Variants in NHS observed in about 807,000 individuals in gnomAD.
The protein encoded by NHS is actin remodeling regulator NHS.
A neutral mutation model predicts 72.5 loss-of-function variants in NHS; 5 were observed. That is an observed-to-expected ratio of 0.07 (90% CI 0.04 to 0.14). The LOEUF (loss-of-function observed/expected upper bound fraction) is 0.14, where lower values mean the gene tolerates loss of function less well. Among genes scored for constraint, NHS ranks in the 10% least tolerant of loss-of-function variants. NHS has a pLI of 1.00. For missense variants in NHS, 1,072 were observed against 1,355.7 expected (o/e 0.79, Z 3.29); for synonymous variants, 464 against 547.7 (o/e 0.85, Z 2.13).
chrX:17,644,466 C>A (rs2065896600), intron 1 of NHS, among the ~76,000 whole-genome samples: 1 of 111,878 alleles, frequency 8.9e-6, no homozygotes. Context: ...TTAAGCATCA[C>A]TTTTTTGGGG....
intron 1 of NHS, chrX:17,635,668 G>A (rs113112459): frequency 1.2e-5 from 12 of 1,028,852 alleles, no homozygotes; most frequent in African/African-American, 7.6e-5. Context: ...AACGAAGAGG[G>A]GCTTGTGCTG....
Position 17,732,767 on chromosome X carries a change from G to C in NHS, c.*303G>C, listed in dbSNP as rs942603907. The C allele has an allele frequency of 6.9e-6, 2 of 287,927 alleles. No individual in the cohort carries two copies. The highest frequency in any genetic ancestry group is 1.2e-5 in the Non-Finnish European group (2 of 161,199). The allele number at this position is 287,927 out of a possible 1,213,427, so 23.7% of individuals were successfully genotyped here. A position where few individuals can be genotyped will look rare whatever the true frequency, so the allele number is the denominator to read the frequency against. On this transcript the variant is annotated 3_prime_UTR_variant, in exon 9 of 9. Coordinates refer to ENST00000676302, the MANE Select transcript of NHS (RefSeq NM_001291867.2). Reference sequence around the variant, plus strand: ...AATTGTCTAATTTTCATGACACCTAGAAAACGTTTTCCCAGAGCTGCCTAT... The same window carrying C: ...AATTGTCTAATTTTCATGACACCTACAAAACGTTTTCCCAGAGCTGCCTAT...
At chrX:17,696,470 T>C (rs931029754) in intron 3 of NHS, among the ~76,000 whole-genome samples, 4 of 112,278 alleles carry the variant, frequency 3.6e-5, no homozygotes, top group Non-Finnish European at 7.5e-5. Flanking sequence ...CAAATGTGTA[T>C]CAAAACAGGA....
At chrX:17,416,876 G>A (rs1021155032) in intron 1 of NHS, among the ~76,000 whole-genome samples, 3 of 109,134 alleles carry the variant, frequency 2.7e-5, no homozygotes, top group Non-Finnish European at 5.7e-5. Flanking sequence ...GAGTTGGAAG[G>A]CAGTTACTGC....
rs146572967 is a variant in NHS at position 17,540,889 on chromosome X, G to A, written c.566-146853G>A. Among the ~76,000 whole-genome samples the A allele has an allele frequency of 9.3e-4, 103 of 111,313 alleles. 1 individual carries two copies. The East Asian group carries it at 0.022, about 23-fold the overall frequency. On this transcript the variant is annotated intron_variant, in intron 1 of 8. Coordinates refer to ENST00000676302, the MANE Select transcript of NHS (RefSeq NM_001291867.2). ...GAGCCTAGGAGTTCAAGACCAGCCTGGGCAACATGGCGAGACTCCGTCTCT... is the reference window on the plus strand; with the variant it reads ...GAGCCTAGGAGTTCAAGACCAGCCTAGGCAACATGGCGAGACTCCGTCTCT...
At chrX:17,391,117 A>G (rs142927312) in intron 1 of NHS, among the ~76,000 whole-genome samples, 536 of 111,716 alleles carry the variant, frequency 4.8e-3, no homozygotes, top group African/African-American at 0.017. Context: ...TGTCTTTCCA[A>G]GTTGCTTTGT....
At chrX:17,398,642 C>T (rs2146850635) in intron 1 of NHS, among the ~76,000 whole-genome samples, 1 of 112,171 alleles carries the variant, frequency 8.9e-6, no homozygotes, top group East Asian at 2.8e-4. Flanking sequence ...TACTGGTTGG[C>T]TGGCAAGTCA....
chrX:17,378,059 CGT>C (rs34807039), intron 1 of NHS, among the ~76,000 whole-genome samples: 39,081 of 100,757 alleles, frequency 0.39, 6,799 homozygotes, highest in Non-Finnish European at 0.52. Context: ...ATACATTTCC[CGT>C]GTGTGTGTGT....
chrX:17,555,203 A>G (rs931353702), intron 1 of NHS, among the ~76,000 whole-genome samples: 2 of 107,762 alleles, frequency 1.9e-5, no homozygotes, highest in Non-Finnish European at 3.8e-5. Flanking sequence ...CTGTTCAGGA[A>G]GTGGGGTGGG....
chrX:17,726,644 G>A lies in NHS; in HGVS notation c.2538G>A (p.Lys846=). 8.3e-7 allele frequency: 1 copy of A among 1,211,707 alleles called. No homozygotes were observed. Among genetic ancestry groups the A allele is most frequent in the Non-Finnish European group, 1.1e-6 (1 of 895,540 alleles). ...GRPSISFRKP[K]AKPTPPKRSS... is the part of the protein sequence containing the mutation. Reference sequence around the variant, plus strand: ...CAAGCATCTCTTTCAGGAAACCAAAGGCAAAGCCGACCCCACCTAAACGTA... The same window carrying A: ...CAAGCATCTCTTTCAGGAAACCAAAAGCAAAGCCGACCCCACCTAAACGTA... The change falls in exon 7 of 9, where the codon AAG becomes AAA. Residue 846 remains lysine, a synonymous_variant. Coordinates refer to ENST00000676302, the MANE Select transcript of NHS (RefSeq NM_001291867.2).
chrX:17,523,936 A>AAG lies in NHS; in HGVS notation c.565+147617_565+147618dup, dbSNP rs200687269. Among the ~76,000 whole-genome samples, 775 of 111,526 alleles carry AAG rather than the reference A, an allele frequency of 6.9e-3. 4 individuals are homozygous for AAG. Among genetic ancestry groups the AAG allele is most frequent in the African/African-American group, 0.024 (743 of 30,637 alleles). On this transcript the variant is annotated intron_variant, in intron 1 of 8. Coordinates refer to ENST00000676302, the MANE Select transcript of NHS (RefSeq NM_001291867.2). ...CAAAAGCTTCATCTCAAAAGAAGCT[A>AAG]AGAGGGGGTCCATTCTGGGGAATAC...
intron 1 of NHS, among the ~76,000 whole-genome samples, chrX:17,505,463 A>G (rs1489273025): frequency 9.0e-6 from 1 of 111,649 alleles, no homozygotes; most frequent in Non-Finnish European, 1.9e-5. Flanking sequence ...CAACAACCTT[A>G]GGTATTACCA....
chrX:17,727,966 G>T lies in NHS; in HGVS notation c.3860G>T (p.Gly1287Val), dbSNP rs1231093604. 8.3e-7 allele frequency: 1 copy of T among 1,211,565 alleles called. No individual in the cohort carries two copies. Among genetic ancestry groups the T allele is most frequent in the Non-Finnish European group, 1.1e-6 (1 of 895,455 alleles). The change falls in exon 7 of 9, where the codon GGT (glycine) becomes GTT (valine). Residue 1287 changes from glycine (G) to valine (V), a missense_variant. Coordinates refer to ENST00000676302, the MANE Select transcript of NHS (RefSeq NM_001291867.2). ...GCTGCCCGCCCAAATGATTTGGATG[G>T]TAAAATAATACAATATGGACCTGGT... ...VSAARPNDLD[G>V]KIIQYGPGPD...
chrX:17,653,691 G>T (rs1181886090), intron 1 of NHS, among the ~76,000 whole-genome samples: 1 of 111,420 alleles, frequency 9.0e-6, no homozygotes, highest in African/African-American at 3.3e-5. Context: ...TAGTGACTTG[G>T]CCACTAGCTA....
intron 1 of NHS, among the ~76,000 whole-genome samples, chrX:17,451,148 G>A (rs1430242735): frequency 8.9e-6 from 1 of 112,296 alleles, no homozygotes; most frequent in Non-Finnish European, 1.9e-5. Flanking sequence ...TAGGTTAAAT[G>A]TAATAAATTA....
intron 8 of NHS, 85 bp from the exon 9 acceptor site, chrX:17,731,773 G>A: frequency 9.0e-7 from 1 of 1,114,784 alleles, no homozygotes; most frequent in Non-Finnish European, 1.2e-6. Context: ...ACTTTAGACA[G>A]ATGTGTGAAT....
At chrX:17,730,193 G>T (rs933420401) in intron 8 of NHS, among the ~76,000 whole-genome samples, 3 of 112,008 alleles carry the variant, frequency 2.7e-5, no homozygotes, top group Non-Finnish European at 5.6e-5. Context: ...AAGTTAAAAA[G>T]TTACTCCCAA....
intron 1 of NHS, among the ~76,000 whole-genome samples, chrX:17,581,146 C>T (rs2146983105): frequency 8.9e-6 from 1 of 111,862 alleles, no homozygotes; most frequent in South Asian, 3.8e-4. Flanking sequence ...ACCAGGGAGA[C>T]AGGAAGCAAG....
intron 1 of NHS, among the ~76,000 whole-genome samples, chrX:17,647,512 G>A (rs971782646): frequency 9.0e-6 from 1 of 111,599 alleles, no homozygotes; most frequent in African/African-American, 3.3e-5. Context: ...CAAGTGTGTG[G>A]AAAGGGAGGG....
Sources: allele counts gnomAD v4.1 joint callset (sites outside exome capture counted in the v4.1 genomes callset), GRCh38; gene constraint gnomAD v4.1.1; transcripts MANE v1.5; gene names NCBI Gene and HGNC (gene_info 2026-07-23, HGNC 2026-07-21).